LHFPL2: variants seen among roughly 807,000 people sequenced by gnomAD.
LHFPL2 encodes LHFPL tetraspan subfamily member 2 protein.
A neutral mutation model predicts 17.5 loss-of-function variants in LHFPL2; 7 were observed. The ratio of observed to expected loss-of-function variants is 0.40; its 90% confidence interval spans 0.23 to 0.75. The LOEUF (loss-of-function observed/expected upper bound fraction) is 0.75, where lower values mean the gene tolerates loss of function less well. LHFPL2 is among the 30% of genes least tolerant of loss of function. The pLI is 0.37. For synonymous variants in LHFPL2, 134 were observed against 116.2 expected (o/e 1.15, Z -0.99); for missense variants, 241 against 294.8 (o/e 0.82, Z 1.34).
chr5:78,512,160 T>A (rs985575703), intron 3 of LHFPL2, among the ~76,000 whole-genome samples: 2 of 151,960 alleles, frequency 1.3e-5, no homozygotes, highest in Admixed American at 6.6e-5. Context: ...CAACTATTGA[T>A]CCAACTGAGG....
At chr5:78,506,344 G>C (rs1754929953) in intron 4 of LHFPL2, among the ~76,000 whole-genome samples, 3 of 152,310 alleles carry the variant, frequency 2.0e-5, no homozygotes, top group Admixed American at 2.0e-4. Context: ...AATGTAAGTT[G>C]TAAGAACAAA....
At chr5:78,605,911 C>T (rs979455264) in intron 2 of LHFPL2, among the ~76,000 whole-genome samples, 5 of 152,326 alleles carry the variant, frequency 3.3e-5, no homozygotes, top group African/African-American at 9.6e-5. Context: ...TTAACCCTCA[C>T]GATCCCCATA....
chr5:78,540,011 A>G (rs1362628460), intron 3 of LHFPL2, among the ~76,000 whole-genome samples: 1 of 152,208 alleles, frequency 6.6e-6, no homozygotes, highest in South Asian at 2.1e-4. Flanking sequence ...CTCTACAAGA[A>G]TTCTAAATGG....
At chr5:78,571,560 TG>T (rs1309795716) in intron 2 of LHFPL2, among the ~76,000 whole-genome samples, 1 of 152,182 alleles carries the variant, frequency 6.6e-6, no homozygotes, top group African/African-American at 2.4e-5. Flanking sequence ...AACTGTGGCT[TG>T]GGGTGACATC....
intron 1 of LHFPL2, among the ~76,000 whole-genome samples, chr5:78,639,369 T>C (rs1385255598): frequency 6.6e-6 from 1 of 152,082 alleles, no homozygotes; most frequent in African/African-American, 2.4e-5. Context: ...AATGCATAAA[T>C]AGTCAAGACA....
At chr5:78,563,416 C>T (rs557362418) in intron 3 of LHFPL2, among the ~76,000 whole-genome samples, 1 of 152,226 alleles carries the variant, frequency 6.6e-6, no homozygotes, top group Middle Eastern at 3.4e-3. Context: ...TCAGTTTGGG[C>T]CGACCATGGT....
intron 4 of LHFPL2, among the ~76,000 whole-genome samples, chr5:78,492,513 CA>C (rs995926436): frequency 7.2e-5 from 11 of 152,282 alleles, no homozygotes; most frequent in African/African-American, 2.6e-4. Flanking sequence ...TTTTTGATAG[CA>C]ATCAGGCTCC....
intron 4 of LHFPL2, among the ~76,000 whole-genome samples, chr5:78,504,707 C>T (rs945167804): frequency 6.6e-6 from 1 of 152,166 alleles, no homozygotes; most frequent in Non-Finnish European, 1.5e-5. Context: ...TCCTCTTTCA[C>T]CCTCAATCAT....
At chr5:78,613,466 C>T (rs1744485325) in intron 2 of LHFPL2, among the ~76,000 whole-genome samples, 1 of 152,156 alleles carries the variant, frequency 6.6e-6, no homozygotes, top group Admixed American at 6.5e-5. Context: ...GCATCATTTA[C>T]ACAAGTCACT....
In LHFPL2 at chr5:78,488,829, C is replaced by CA. The variant is rs2112281499; in HGVS notation, c.*67dup. The CA allele has an allele frequency of 1.3e-6, 2 of 1,565,988 alleles. No homozygotes were observed. Among genetic ancestry groups the CA allele is most frequent in the Admixed American group, 3.4e-5 (2 of 58,862 alleles). ...GTAAAGGTTAGTTCTCCACTTGACTCAAATGATGAAACTGTGGACTGTTTC... is the reference window on the plus strand; with the variant it reads ...GTAAAGGTTAGTTCTCCACTTGACTCAAAATGATGAAACTGTGGACTGTTTC... On this transcript the variant is annotated 3_prime_UTR_variant, in exon 5 of 5. Transcript: ENST00000380345.
At chr5:78,598,077 T>C (rs960625134) in intron 2 of LHFPL2, among the ~76,000 whole-genome samples, 1 of 152,068 alleles carries the variant, frequency 6.6e-6, no homozygotes, top group African/African-American at 2.4e-5. Context: ...AGATAGCAAA[T>C]ATAGGTTAAG....
chr5:78,523,442 G>A (rs989515957), intron 3 of LHFPL2, among the ~76,000 whole-genome samples: 1 of 152,062 alleles, frequency 6.6e-6, no homozygotes, highest in African/African-American at 2.4e-5. Context: ...ACAGTGAGGG[G>A]GTAGAAGAAG....
At chr5:78,511,121 T>G (rs1247259898) in intron 3 of LHFPL2, among the ~76,000 whole-genome samples, 2 of 151,478 alleles carry the variant, frequency 1.3e-5, no homozygotes, top group Non-Finnish European at 2.9e-5. Flanking sequence ...AAAAAAACCT[T>G]AAGAGTTCAT....
chr5:78,537,690 AT>A (rs1484712426), intron 3 of LHFPL2, among the ~76,000 whole-genome samples: 4 of 152,156 alleles, frequency 2.6e-5, no homozygotes, highest in Non-Finnish European at 4.4e-5. Context: ...TGCAAGACAT[AT>A]TTTTCACCCT....
chr5:78,498,496 A>G (rs945317356), intron 4 of LHFPL2, among the ~76,000 whole-genome samples: 3 of 152,204 alleles, frequency 2.0e-5, no homozygotes, highest in Non-Finnish European at 4.4e-5. Flanking sequence ...GTAGGCCACC[A>G]ACTGTTGCTA....
chr5:78,644,589 CT>C, intron 1 of LHFPL2: 3 of 451,280 alleles, frequency 6.6e-6, no homozygotes, highest in Non-Finnish European at 4.1e-6. Context: ...CCTCGAACTT[CT>C]TTTTTGTCTC....
chr5:78,569,096 T>C (rs1009999740), intron 2 of LHFPL2, among the ~76,000 whole-genome samples: 6 of 152,168 alleles, frequency 3.9e-5, no homozygotes, highest in Non-Finnish European at 8.8e-5. Flanking sequence ...ACCATCATTC[T>C]TATTAAGTAT....
intron 3 of LHFPL2, among the ~76,000 whole-genome samples, chr5:78,555,119 T>C (rs1408809590): frequency 1.3e-5 from 2 of 152,170 alleles, no homozygotes; most frequent in African/African-American, 2.4e-5. Flanking sequence ...TATTGAAATA[T>C]GGAAATAATT....
chr5:78,523,099 G>T (rs2112345174), intron 3 of LHFPL2, among the ~76,000 whole-genome samples: 1 of 140,678 alleles, frequency 7.1e-6, no homozygotes, highest in African/African-American at 2.8e-5. Flanking sequence ...GTGTGCACGT[G>T]TGTGTGTCTG....
Sources: gnomAD v4.1 joint callset for allele counts (sites outside exome capture counted in the v4.1 genomes callset) on GRCh38, gnomAD v4.1.1 for gene constraint, MANE v1.5 for transcripts, NCBI Gene and HGNC (gene_info 2026-07-23, HGNC 2026-07-21) for gene names.